MAK: variants seen among roughly 807,000 people sequenced by gnomAD.
MAK encodes the protein serine/threonine-protein kinase MAK.
A neutral mutation model predicts 82.6 loss-of-function variants in MAK; 65 were observed. That is an observed-to-expected ratio of 0.79 (90% CI 0.64 to 0.97). The LOEUF is 0.97. MAK is among the 50% of genes least tolerant of loss of function. The pLI is 0.00. For missense variants in MAK, 703 were observed against 780.2 expected, an observed-to-expected ratio of 0.90 and a Z score of 1.18; for synonymous variants, 250 against 274.2, an observed-to-expected ratio of 0.91 and a Z score of 0.87.
rs542045846 is a variant in MAK, at chr6:10,781,531, C to G, written c.1465+2893G>C. Reference sequence around the variant, plus strand: ...CTCTGCCTCCTGGGTTCAAGTGATTCTCCTGCCTCACCCTCCTGAGTAGCT... The same window carrying G: ...CTCTGCCTCCTGGGTTCAAGTGATTGTCCTGCCTCACCCTCCTGAGTAGCT... On this transcript the variant is annotated intron_variant, in intron 11 of 14. Transcript: ENST00000354489. Among the ~76,000 whole-genome samples the G allele has an allele frequency of 6.2e-4, 92 of 149,330 alleles. 1 individual carries two copies. The South Asian group carries it at 0.016, about 26-fold the overall frequency.
Position 10,764,353 on chromosome 6 carries a change from A to G in MAK, c.*99T>C. On this transcript the variant is annotated 3_prime_UTR_variant, in exon 15 of 15. Coordinates refer to ENST00000354489, the MANE Select transcript of MAK (RefSeq NM_001242957.3). ...GTACCCACTTTTGCATATTTCTTCC[A>G]GAACTCAGTAGAAATAGACATTTGT... 7.6e-7 allele frequency: 1 copy of G among 1,322,576 alleles called. No individual in the cohort carries two copies. Among genetic ancestry groups the G allele is most frequent in the East Asian group, 2.4e-5 (1 of 42,362 alleles). The allele number at this position is 1,322,576 out of a possible 1,614,324, so 81.9% of individuals were successfully genotyped here. A position where few individuals can be genotyped will look rare whatever the true frequency, so the allele number is the denominator to read the frequency against.
Position 10,770,153 on chromosome 6 carries a change from C to T in MAK, c.1750G>A (p.Gly584Ser), listed in dbSNP as rs1174876068. ...AGAGGTGCTAAGTGGATCCTCTGGC[C>T]AGCTGACTGCACTTCTTTTTTGAGA... is the stretch of plus-strand genomic sequence containing the variant. Reference protein sequence around the residue: ...SFLKKEVQSAGQRIHLAPLNA... With the variant: ...SFLKKEVQSASQRIHLAPLNA... Residue 584 changes from glycine (G) to serine (S), a missense_variant, in exon 14 of 15, where the codon GGC becomes AGC. Transcript: ENST00000354489. 2 of 1,614,146 alleles carry T rather than the reference C, an allele frequency of 1.2e-6. No individual in the cohort carries two copies. Among genetic ancestry groups the T allele is most frequent in the Non-Finnish European group, 1.7e-6 (2 of 1,180,024 alleles).
intron 11 of MAK, among the ~76,000 whole-genome samples, chr6:10,777,734 G>A (rs1773585917): frequency 6.6e-6 from 1 of 152,124 alleles, no homozygotes; most frequent in Non-Finnish European, 1.5e-5. Flanking sequence ...CACCTCCCAG[G>A]TTCAAGTGAT....
chr6:10,783,414 C>G (rs1561943948), intron 11 of MAK, among the ~76,000 whole-genome samples: 1 of 152,200 alleles, frequency 6.6e-6, no homozygotes, highest in Non-Finnish European at 1.5e-5. Context: ...TCTCCATTCT[C>G]TACTTCCACA....
rs1056903520 is a variant in MAK at position 10,797,709 on chromosome 6, CAT to C, written c.832-1402_832-1401del. 18 of 1,123,460 alleles carry C rather than the reference CAT, an allele frequency of 1.6e-5. No homozygotes were observed. In the African/African-American group the frequency reaches 2.8e-4, roughly 18 times the overall value. 69.6% of individuals were successfully genotyped at this position (1,123,460 alleles called of 1,614,324 possible). A position where few individuals can be genotyped will look rare whatever the true frequency, so the allele number is the denominator to read the frequency against. ...ACCTCCTGCCTTTAGCCAGTCCCCA[CAT>C]AGGTGGGAACATAGCCCTGACCAAC... On this transcript the variant is annotated intron_variant, in intron 8 of 14. Coordinates refer to ENST00000354489, the MANE Select transcript of MAK (RefSeq NM_001242957.3).
chr6:10,810,284 G>A (rs1776820827), intron 5 of MAK, among the ~76,000 whole-genome samples: 2 of 151,056 alleles, frequency 1.3e-5, no homozygotes, highest in Admixed American at 1.3e-4. Context: ...GACTGCAGGT[G>A]ATCACTTGAA....
intron 12 of MAK, 85 bp downstream of exon 12, chr6:10,775,243 G>T: frequency 6.7e-7 from 1 of 1,484,628 alleles, no homozygotes; most frequent in Non-Finnish European, 9.3e-7. Context: ...CATGTATCTT[G>T]GTTGGAAGAG....
chr6:10,815,264 T>TCTAAAAC, intron 4 of MAK, among the ~76,000 whole-genome samples: 1 of 152,206 alleles, frequency 6.6e-6, no homozygotes, highest in South Asian at 2.1e-4. Flanking sequence ...AGACTATGCC[T>TCTAAAAC]CTAAAACAAT....
intron 8 of MAK, among the ~76,000 whole-genome samples, 189 bp downstream of exon 8, chr6:10,801,703 C>G (rs1424973084): frequency 6.6e-6 from 1 of 152,212 alleles, no homozygotes; most frequent in African/African-American, 2.4e-5. Context: ...GTGGCTATTT[C>G]TGCATTTCTC....
chr6:10,791,496 G>A (rs1165745853), intron 10 of MAK, among the ~76,000 whole-genome samples, 179 bp downstream of exon 10: 1 of 151,970 alleles, frequency 6.6e-6, no homozygotes, highest in East Asian at 1.9e-4. Context: ...CAAACTCCTG[G>A]CCTCAAGTGA....
intron 2 of MAK, among the ~76,000 whole-genome samples, chr6:10,823,553 A>AGGC (rs1295887113): frequency 6.6e-6 from 1 of 152,148 alleles, no homozygotes; most frequent in Non-Finnish European, 1.5e-5. Context: ...ATTTAGAGAC[A>AGGC]GAGTCTCACT....
chr6:10,802,357 G>A (rs940409042), intron 7 of MAK: 1 of 322,264 alleles, frequency 3.1e-6, no homozygotes, highest in South Asian at 3.1e-5. Flanking sequence ...CCAGGTTGGA[G>A]TGCAGTGGAG....
rs1773460813 is a variant in MAK, at chr6:10,776,401, C to T, written c.1466-942G>A. Among the ~76,000 whole-genome samples, 1 of 152,206 alleles carries T rather than the reference C, an allele frequency of 6.6e-6. No individual in the cohort carries two copies. The highest frequency in any genetic ancestry group is 1.9e-4 in the East Asian group (1 of 5,202). On this transcript the variant is annotated intron_variant, in intron 11 of 14. Coordinates refer to ENST00000354489, the MANE Select transcript of MAK (RefSeq NM_001242957.3). This position sits in a 1 kb window ranked among gnomAD's most constrained non-coding sequence, Gnocchi z 4.3. Reference sequence around the variant, plus strand: ...TACTAGTGGTCAAAGGGAGTTGTTTCAACCTGTTCTTAAGAGACTGAAAAC... The same window carrying T: ...TACTAGTGGTCAAAGGGAGTTGTTTTAACCTGTTCTTAAGAGACTGAAAAC...
At chr6:10,798,055 G>T in intron 8 of MAK, 1 of 699,774 alleles carries the variant, frequency 1.4e-6, no homozygotes, top group Non-Finnish European at 1.8e-6. Flanking sequence ...ATATTTTGGA[G>T]CTGGAAACTT....
intron 11 of MAK, among the ~76,000 whole-genome samples, chr6:10,782,202 TCACACACACACACACACACA>T (rs746386493): frequency 1.5e-4 from 22 of 146,144 alleles, no homozygotes; most frequent in African/African-American, 2.5e-4. Flanking sequence ...TGAAACTCTG[TCACACACACACACACACACA>T]CACACACACA....
At chr6:10,778,264 C>A (rs1773631932) in intron 11 of MAK, among the ~76,000 whole-genome samples, 1 of 152,158 alleles carries the variant, frequency 6.6e-6, no homozygotes, top group African/African-American at 2.4e-5. Context: ...AGAAGGGAGA[C>A]AGTTTTAGTC....
At chr6:10,789,703 G>A (rs1337071345) in intron 10 of MAK, among the ~76,000 whole-genome samples, 1 of 152,128 alleles carries the variant, frequency 6.6e-6, no homozygotes, top group Admixed American at 6.5e-5. Flanking sequence ...TCTCACTCAG[G>A]CTGGAGTGCA....
rs765270003 is a variant in MAK at position 10,770,039 on chromosome 6, T to C, written c.1792+72A>G. On this transcript the variant is annotated intron_variant, in intron 14 of 14. Coordinates refer to ENST00000354489, the MANE Select transcript of MAK (RefSeq NM_001242957.3). Reference sequence around the variant, plus strand: ...AAAGTCTTCGCTTGGGAAAAGTGACTGCATAAACTTAAAAAGGAAAATGTT... The same window carrying C: ...AAAGTCTTCGCTTGGGAAAAGTGACCGCATAAACTTAAAAAGGAAAATGTT... 4.3e-6 allele frequency: 7 copies of C among 1,612,678 alleles called. No individual in the cohort carries two copies. The South Asian group carries it at 5.5e-5, about 13-fold the overall frequency.
chr6:10,774,447 CTCTTT>C (rs1020058547), intron 12 of MAK, among the ~76,000 whole-genome samples: 1 of 152,056 alleles, frequency 6.6e-6, no homozygotes, highest in Admixed American at 6.6e-5. Context: ...TATTTTCTCT[CTCTTT>C]TCTTTTTTCT....
Sources: allele counts gnomAD v4.1 joint callset (sites outside exome capture counted in the v4.1 genomes callset), GRCh38; gene constraint gnomAD v4.1.1; non-coding constraint Gnocchi (gnomAD v3.1); transcripts MANE v1.5; gene names NCBI Gene and HGNC (gene_info 2026-07-23, HGNC 2026-07-21).